The following BOLL variants were observed in gnomAD, a reference collection of about 807,000 sequenced individuals.
BOLL encodes boule RNA binding protein.
A neutral mutation model predicts 44.4 loss-of-function variants in BOLL; 23 were observed. That is an observed-to-expected ratio of 0.52 (90% confidence interval 0.37 to 0.73). The LOEUF (loss-of-function observed/expected upper bound fraction) is 0.73. Among genes scored for constraint, BOLL ranks in the 30% least tolerant of loss-of-function variants. The probability of loss-of-function intolerance (pLI) is 0.00; values close to 1 mark genes in which losing one functional copy is unlikely to be tolerated. For missense variants in BOLL, 287 were observed against 338.3 expected, an observed-to-expected ratio of 0.85 and a Z score of 1.19; for synonymous variants, 97 against 110.8, an observed-to-expected ratio of 0.88 and a Z score of 0.78.
At chr2:197,784,419 T>C (rs1469831186) in intron 1 of BOLL, among the ~76,000 whole-genome samples, 10 of 102,278 alleles carry the variant, frequency 9.8e-5, no homozygotes, top group South Asian at 3.3e-4. Flanking sequence ...TATATATATA[T>C]ATATATATAT....
chr2:197,747,830 G>A (rs1262765613), intron 9 of BOLL, among the ~76,000 whole-genome samples: 1 of 152,072 alleles, frequency 6.6e-6, no homozygotes, highest in Non-Finnish European at 1.5e-5. Context: ...ACAGACCAAT[G>A]GAACAGGATA....
At chr2:197,782,039 G>A (rs2106395787) in intron 1 of BOLL, among the ~76,000 whole-genome samples, 174 bp from the exon 2 acceptor site, 2 of 151,998 alleles carry the variant, frequency 1.3e-5, no homozygotes, top group South Asian at 4.2e-4. Flanking sequence ...GCTTTTTAAG[G>A]CAACAGAACT....
chr2:197,744,779 T>G (rs1687913498), intron 9 of BOLL, among the ~76,000 whole-genome samples: 1 of 152,188 alleles, frequency 6.6e-6, no homozygotes, highest in Admixed American at 6.5e-5. Context: ...TTTCCTGATG[T>G]CCTCATTTTA....
At chr2:197,741,269 T>C (rs1158034404) in intron 10 of BOLL, among the ~76,000 whole-genome samples, 3 of 152,188 alleles carry the variant, frequency 2.0e-5, no homozygotes, top group Admixed American at 2.0e-4. Context: ...CACTCATGAT[T>C]TGGCTCTCTG....
At chr2:197,779,745 TG>T (rs904445322) in intron 2 of BOLL, among the ~76,000 whole-genome samples, 1 of 152,072 alleles carries the variant, frequency 6.6e-6, no homozygotes, top group African/African-American at 2.4e-5. Flanking sequence ...TTGGCATGTC[TG>T]TTTTTTTAAT....
chr2:197,740,038 C>G (rs1477708002), intron 10 of BOLL, among the ~76,000 whole-genome samples: 1 of 152,102 alleles, frequency 6.6e-6, no homozygotes, highest in East Asian at 1.9e-4. Context: ...AAAATGAAGC[C>G]TCTATGAGTA....
intron 7 of BOLL, chr2:197,759,066 TC>T: frequency 7.3e-7 from 1 of 1,365,036 alleles, no homozygotes; most frequent in South Asian, 1.3e-5. Flanking sequence ...TGCCTAGCAT[TC>T]ATTTTCCACT....
intron 3 of BOLL, among the ~76,000 whole-genome samples, chr2:197,777,664 T>C (rs2106387338): frequency 6.6e-6 from 1 of 151,926 alleles, no homozygotes. Context: ...CTGTTTTTCA[T>C]ACATAATTAA....
chr2:197,732,293 G>T (rs1217585069), intron 10 of BOLL, among the ~76,000 whole-genome samples: 1 of 151,806 alleles, frequency 6.6e-6, no homozygotes, highest in Non-Finnish European at 1.5e-5. Context: ...ACCAATAACA[G>T]GAGCTGAAAT....
chr2:197,740,448 T>A (rs536267510), intron 10 of BOLL, among the ~76,000 whole-genome samples: 21 of 152,270 alleles, frequency 1.4e-4, no homozygotes, highest in African/African-American at 4.8e-4. Flanking sequence ...AACTTGTTCA[T>A]AAGGGAATAG....
intron 7 of BOLL, among the ~76,000 whole-genome samples, chr2:197,762,640 C>A (rs1354164775): frequency 6.6e-6 from 1 of 152,084 alleles, no homozygotes; most frequent in East Asian, 1.9e-4. Flanking sequence ...AATTAAGCAA[C>A]ATACTGCTGA....
intron 9 of BOLL, among the ~76,000 whole-genome samples, chr2:197,753,799 A>C (rs914063537): frequency 1.3e-5 from 2 of 152,156 alleles, no homozygotes; most frequent in African/African-American, 4.8e-5. Flanking sequence ...TATATTGAGA[A>C]GTTTATAAAT....
intron 7 of BOLL, among the ~76,000 whole-genome samples, chr2:197,758,776 A>T (rs180935997): frequency 8.5e-4 from 130 of 152,286 alleles, no homozygotes; most frequent in African/African-American, 3.0e-3. Flanking sequence ...ATAAACCACA[A>T]TATATTATTT....
intron 10 of BOLL, among the ~76,000 whole-genome samples, chr2:197,741,949 A>T (rs994093607): frequency 6.6e-6 from 1 of 152,220 alleles, no homozygotes; most frequent in African/African-American, 2.4e-5. Flanking sequence ...AGAATCTACA[A>T]TGAACTCAAA....
intron 7 of BOLL, 105 bp from the exon 8 acceptor site, chr2:197,757,505 C>T (rs1057473081): frequency 3.4e-6 from 3 of 892,276 alleles, no homozygotes; most frequent in African/African-American, 3.5e-5. Flanking sequence ...ACACCATATA[C>T]AAAAATTAAC....
Position 197,775,658 on chromosome 2 carries a change from T to A in BOLL, c.352+7A>T. 6.6e-7 allele frequency: 1 copy of A among 1,512,826 alleles called. No homozygotes were observed. The highest frequency in any genetic ancestry group is 9.0e-7 in the Non-Finnish European group (1 of 1,114,038). 93.7% of individuals were successfully genotyped at this position (1,512,826 alleles called of 1,614,324 possible). ...TATTTAAAAATACATTAGTTCTCAA[T>A]ACATACGAGGGATCCCTACTTGTTG... On this transcript the variant is annotated splice_region_variant and intron_variant, in intron 5 of 10. Coordinates refer to ENST00000392296, the MANE Select transcript of BOLL (RefSeq NM_033030.6).
chr2:197,737,377 G>A (rs16823385), intron 10 of BOLL, among the ~76,000 whole-genome samples: 24,257 of 151,848 alleles, frequency 0.16, 2,246 homozygotes, highest in East Asian at 0.27. Flanking sequence ...CATCAAAAAG[G>A]AGTCTTGGTA....
intron 6 of BOLL, among the ~76,000 whole-genome samples, chr2:197,770,016 G>T (rs1689166228): frequency 6.6e-6 from 1 of 151,970 alleles, no homozygotes; most frequent in African/African-American, 2.4e-5. Flanking sequence ...AGTTCATATG[G>T]AACCAAAAAA....
chr2:197,783,191 G>A (rs527645692), intron 1 of BOLL, among the ~76,000 whole-genome samples: 1 of 151,378 alleles, frequency 6.6e-6, no homozygotes, highest in South Asian at 2.1e-4. Flanking sequence ...GTTGTGGCTT[G>A]TGCCTGTAAT....
Sources: allele counts gnomAD v4.1 joint callset (sites outside exome capture counted in the v4.1 genomes callset), GRCh38; gene constraint gnomAD v4.1.1; transcripts MANE v1.5; gene names NCBI Gene and HGNC (gene_info 2026-07-23, HGNC 2026-07-21).